SDK1: variants seen among roughly 807,000 people sequenced by gnomAD.
SDK1 encodes the protein sidekick cell adhesion molecule 1, also known as protein sidekick-1.
In SDK1, 157 loss-of-function variants were observed where a neutral mutation model predicts 245.5. That is an observed-to-expected ratio of 0.64 (90% CI 0.56 to 0.73). The LOEUF (loss-of-function observed/expected upper bound fraction) is 0.73. Among genes scored for constraint, SDK1 ranks in the 30% least tolerant of loss-of-function variants. The pLI is 0.00. For missense variants in SDK1, 3,583 were observed against 3,002.3 expected, an observed-to-expected ratio of 1.19 and a Z score of -4.52; for synonymous variants, 1,647 against 1,278.5, an observed-to-expected ratio of 1.29 and a Z score of -6.15.
intron 32 of SDK1, among the ~76,000 whole-genome samples, chr7:4,164,737 G>A (rs1320362034): frequency 6.6e-6 from 1 of 152,168 alleles, no homozygotes; most frequent in Non-Finnish European, 1.5e-5. Context: ...TGCAGGGCTC[G>A]AGCTCCCCTT....
At chr7:3,314,277 C>T (rs755876950) in intron 1 of SDK1, among the ~76,000 whole-genome samples, 1 of 152,188 alleles carries the variant, frequency 6.6e-6, no homozygotes, top group African/African-American at 2.4e-5. Flanking sequence ...GAACCCAACA[C>T]CTAGATCAGA....
chr7:3,880,778 T>C (rs913969048), intron 5 of SDK1, among the ~76,000 whole-genome samples: 14 of 152,084 alleles, frequency 9.2e-5, no homozygotes, highest in African/African-American at 3.4e-4. Flanking sequence ...TTCCCGGGCC[T>C]CCAGAGGCTG....
intron 2 of SDK1, 80 bp from the exon 3 acceptor site, chr7:3,638,924 G>C: frequency 1.3e-6 from 1 of 795,322 alleles, no homozygotes; most frequent in Non-Finnish European, 2.0e-6. Context: ...AGTGCTGTTT[G>C]ATAAAATAGC....
At chr7:3,331,828 C>G (rs1339203792) in intron 1 of SDK1, among the ~76,000 whole-genome samples, 1 of 152,014 alleles carries the variant, frequency 6.6e-6, no homozygotes, top group Non-Finnish European at 1.5e-5. Context: ...AATTAGTTGA[C>G]TTTCAGATGT....
intron 13 of SDK1, among the ~76,000 whole-genome samples, chr7:3,982,581 C>A (rs1783496486): frequency 6.6e-6 from 1 of 152,192 alleles, no homozygotes; most frequent in Admixed American, 6.6e-5. Flanking sequence ...TGGCTCACGC[C>A]TGTAATCCCA....
At chr7:3,693,524 T>G (rs1784490132) in intron 4 of SDK1, among the ~76,000 whole-genome samples, 1 of 152,240 alleles carries the variant, frequency 6.6e-6, no homozygotes, top group Non-Finnish European at 1.5e-5. Flanking sequence ...AGCTGATCCA[T>G]GCTTTTCTTT....
Position 4,149,338 on chromosome 7 carries a change from C to T in SDK1, c.4500C>T (p.Val1500=), listed in dbSNP as rs1780195896. The change falls in exon 30 of 45, where the codon GTC becomes GTT. Residue 1500 remains valine (V), a synonymous_variant. Transcript: ENST00000404826. The part of the protein sequence containing the change: ...VTARSLRLQW[V]PGSDGASPIR... The stretch of plus-strand genomic sequence containing the variant: ...CACGCAGCCTCCGGCTCCAGTGGGT[C>T]CCGGGCAGCGACGGGGCCTCCCCCA... The T allele has an allele frequency of 6.3e-7, 1 of 1,592,068 alleles. No homozygotes were observed. Among genetic ancestry groups the T allele is most frequent in the East Asian group, 2.3e-5 (1 of 42,800 alleles).
chr7:3,464,471 C>T (rs569141465), intron 1 of SDK1, among the ~76,000 whole-genome samples: 3 of 152,228 alleles, frequency 2.0e-5, no homozygotes, highest in Admixed American at 6.5e-5. Flanking sequence ...CAGTGAACTA[C>T]GATTTCGCCA....
intron 44 of SDK1, among the ~76,000 whole-genome samples, chr7:4,248,462 T>A (rs1022875264): frequency 1.3e-5 from 2 of 149,334 alleles, no homozygotes; most frequent in Non-Finnish European, 3.0e-5. Flanking sequence ...CACACATGCA[T>A]ACACACGTGC....
intron 1 of SDK1, among the ~76,000 whole-genome samples, chr7:3,404,160 C>A (rs535599567): frequency 1.3e-5 from 2 of 151,892 alleles, no homozygotes; most frequent in East Asian, 3.9e-4. Flanking sequence ...AATAGACTTG[C>A]TGGACATGGG....
chr7:3,309,542 T>TTTTTTTTTC (rs1554256117), intron 1 of SDK1, among the ~76,000 whole-genome samples: 1 of 148,656 alleles, frequency 6.7e-6, no homozygotes, highest in African/African-American at 2.4e-5. Flanking sequence ...TTTTTTTTTT[T>TTTTTTTTTC]ACATGAGTGT....
intron 5 of SDK1, among the ~76,000 whole-genome samples, chr7:3,904,372 A>G (rs1433406390): frequency 6.6e-6 from 1 of 152,120 alleles, no homozygotes; most frequent in African/African-American, 2.4e-5. Context: ...AGTGCTACAC[A>G]ACCTGGTGAA....
At chr7:4,223,560 TC>T (rs1159355510) in intron 40 of SDK1, among the ~76,000 whole-genome samples, 1 of 152,210 alleles carries the variant, frequency 6.6e-6, no homozygotes, top group Non-Finnish European at 1.5e-5. Flanking sequence ...GCCTTCATCT[TC>T]CCATGGTGAT....
chr7:3,854,465 A>G (rs997198705), intron 5 of SDK1, among the ~76,000 whole-genome samples: 3 of 152,242 alleles, frequency 2.0e-5, no homozygotes, highest in African/African-American at 2.4e-5. Context: ...TGAAATCTCA[A>G]TACTAATTAC....
At chr7:4,022,614 G>T (rs1030189607) in intron 17 of SDK1, among the ~76,000 whole-genome samples, 7 of 152,112 alleles carry the variant, frequency 4.6e-5, no homozygotes, top group African/African-American at 1.4e-4. Context: ...GCTGCAGGGG[G>T]AGGTAGCAGC....
At chr7:3,815,890 A>G (rs1200290072) in intron 4 of SDK1, among the ~76,000 whole-genome samples, 2 of 147,112 alleles carry the variant, frequency 1.4e-5, no homozygotes, top group African/African-American at 5.2e-5. Flanking sequence ...ATTATAACAA[A>G]CTATCTCTCA....
intron 5 of SDK1, among the ~76,000 whole-genome samples, chr7:3,850,243 T>C (rs897692918): frequency 2.0e-5 from 3 of 152,178 alleles, no homozygotes; most frequent in African/African-American, 7.2e-5. Flanking sequence ...CTGCATCCAA[T>C]CCTCATCTGT....
chr7:3,832,908 G>C (rs1406517614), intron 5 of SDK1, among the ~76,000 whole-genome samples: 5 of 151,988 alleles, frequency 3.3e-5, no homozygotes, highest in African/African-American at 1.2e-4. Context: ...AAGAAAGCCT[G>C]TGACCTCTGC....
chr7:3,507,854 T>A (rs1782442667), intron 1 of SDK1, among the ~76,000 whole-genome samples: 1 of 152,206 alleles, frequency 6.6e-6, no homozygotes, highest in South Asian at 2.1e-4. Context: ...TGCTTCAGTG[T>A]TGCTTTCATC....
Sources: allele counts gnomAD v4.1 joint callset (sites outside exome capture counted in the v4.1 genomes callset), GRCh38; gene constraint gnomAD v4.1.1; transcripts MANE v1.5; gene names NCBI Gene and HGNC (gene_info 2026-07-23, HGNC 2026-07-21).